The following PLCB4 variants were observed in gnomAD, a reference collection of about 807,000 sequenced individuals.
PLCB4 encodes the protein 1-phosphatidylinositol 4,5-bisphosphate phosphodiesterase beta-4.
A neutral mutation model predicts 178.8 loss-of-function variants in PLCB4; 77 were observed. The observed-to-expected ratio is 0.43, with a 90% confidence interval of 0.36 to 0.52. The LOEUF is 0.52. Among genes scored for constraint, PLCB4 ranks in the 20% least tolerant of loss-of-function variants. The pLI is 0.00. For synonymous variants in PLCB4, 496 were observed against 490.8 expected (o/e 1.01, Z -0.14); for missense variants, 1,024 against 1,453.4 (o/e 0.70, Z 4.80).
intron 32 of PLCB4, among the ~76,000 whole-genome samples, chr20:9,448,373 A>G (rs2042544133): frequency 6.6e-6 from 1 of 152,284 alleles, no homozygotes; most frequent in East Asian, 1.9e-4. Flanking sequence ...ATGAAGAAAT[A>G]TGACCTGGGC....
intron 3 of PLCB4, among the ~76,000 whole-genome samples, chr20:9,253,271 A>G (rs2094199765): frequency 6.6e-6 from 1 of 152,166 alleles, no homozygotes; most frequent in Non-Finnish European, 1.5e-5. Flanking sequence ...GACTAGAATC[A>G]GCTATACTTG....
At position 9,363,052 on chromosome 20, in the gene PLCB4, G is replaced by T. The variant is rs568975008; in HGVS notation, c.449+77G>T. 2.2e-5 allele frequency: 23 copies of T among 1,051,122 alleles called. No homozygotes were observed. The African/African-American group carries it at 3.1e-4, about 14-fold the overall frequency. The allele number at this position is 1,051,122 out of a possible 1,614,324, so 65.1% of individuals were successfully genotyped here. A position where few individuals can be genotyped will look rare whatever the true frequency, so the allele number is the denominator to read the frequency against. On this transcript the variant is annotated intron_variant, in intron 8 of 39. Transcript: ENST00000378473. ...TCAGATGAAGAGATGAAGGCTAGGT[G>T]GTTCCTTCCTCCAAATTCCTGCTTG... is the stretch of plus-strand genomic sequence containing the variant.
chr20:9,286,625 G>A (rs184879067), intron 3 of PLCB4, among the ~76,000 whole-genome samples: 315 of 152,092 alleles, frequency 2.1e-3, no homozygotes, highest in African/African-American at 7.4e-3. Context: ...TGTATCTTGA[G>A]GTACTACATC....
intron 2 of PLCB4, among the ~76,000 whole-genome samples, chr20:9,101,828 G>A (rs899180070): frequency 2.0e-5 from 3 of 150,908 alleles, no homozygotes; most frequent in Admixed American, 2.0e-4. Flanking sequence ...AAAACAATTT[G>A]CCAGTTTTGT....
intron 19 of PLCB4, among the ~76,000 whole-genome samples, chr20:9,400,095 G>A (rs990998665): frequency 3.3e-5 from 5 of 151,938 alleles, no homozygotes; most frequent in African/African-American, 4.8e-5. Flanking sequence ...TTACCCACTT[G>A]TTGTTGTTGT....
chr20:9,243,366 T>A (rs2094087821), intron 3 of PLCB4, among the ~76,000 whole-genome samples: 1 of 152,200 alleles, frequency 6.6e-6, no homozygotes, highest in Admixed American at 6.5e-5. Flanking sequence ...AAGAAATTTA[T>A]TTTAGAAAAA....
intron 3 of PLCB4, among the ~76,000 whole-genome samples, chr20:9,274,113 A>C (rs1051123733): frequency 2.0e-5 from 3 of 152,096 alleles, no homozygotes; most frequent in Admixed American, 2.0e-4. Context: ...AGAGTATTTC[A>C]AAGAAAAAAA....
intron 3 of PLCB4, among the ~76,000 whole-genome samples, chr20:9,260,137 T>C (rs1486284785): frequency 1.3e-5 from 2 of 152,090 alleles, no homozygotes; most frequent in African/African-American, 2.4e-5. Flanking sequence ...TAGAAAATTT[T>C]CATACTAAAC....
At chr20:9,220,252 T>G (rs2093781680) in intron 3 of PLCB4, among the ~76,000 whole-genome samples, 1 of 152,244 alleles carries the variant, frequency 6.6e-6, no homozygotes, top group Non-Finnish European at 1.5e-5. Context: ...ACTTCTCTCC[T>G]GTGGCATTTT....
At chr20:9,078,376 CTTCTTTTCT>C (rs1428726366) in intron 1 of PLCB4, among the ~76,000 whole-genome samples, 1 of 151,198 alleles carries the variant, frequency 6.6e-6, no homozygotes, top group Non-Finnish European at 1.5e-5. Context: ...TTCTTCTTCT[CTTCTTTTCT>C]TTCTTTTCTT....
At chr20:9,093,250 G>C (rs2090762739) in intron 1 of PLCB4, among the ~76,000 whole-genome samples, 1 of 152,180 alleles carries the variant, frequency 6.6e-6, no homozygotes, top group African/African-American at 2.4e-5. Flanking sequence ...GGCTAGAACT[G>C]TGATTTTCAA....
chr20:9,180,172 A>C (rs914115019), intron 2 of PLCB4, among the ~76,000 whole-genome samples: 2 of 152,218 alleles, frequency 1.3e-5, no homozygotes, highest in East Asian at 1.9e-4. Flanking sequence ...GTATTGTCCT[A>C]ACAATCTTGT....
At chr20:9,401,374 TTC>T in intron 19 of PLCB4, 114 bp from the exon 20 acceptor site, 1 of 686,090 alleles carries the variant, frequency 1.5e-6, no homozygotes, top group Non-Finnish European at 2.6e-6. Context: ...TGTCCCCATT[TTC>T]TTTTAGCATC....
intron 32 of PLCB4, among the ~76,000 whole-genome samples, chr20:9,449,637 T>C (rs1346683301): frequency 6.6e-6 from 1 of 152,202 alleles, no homozygotes; most frequent in Non-Finnish European, 1.5e-5. Flanking sequence ...AAACTACATC[T>C]GCAGGCAGGA....
chr20:9,401,395 C>A, intron 19 of PLCB4, 95 bp from the exon 20 acceptor site: 1 of 788,726 alleles, frequency 1.3e-6, no homozygotes. Context: ...TCCTTTTTCT[C>A]TAAAAGTGCT....
At chr20:9,347,872 A>C (rs1336917085) in intron 7 of PLCB4, among the ~76,000 whole-genome samples, 7 of 152,084 alleles carry the variant, frequency 4.6e-5, no homozygotes, top group Non-Finnish European at 1.5e-5. Context: ...TACTCAGGAG[A>C]CTGAGGCAGG....
At chr20:9,405,665 A>T (rs183503181) in intron 21 of PLCB4, among the ~76,000 whole-genome samples, 1 of 152,228 alleles carries the variant, frequency 6.6e-6, no homozygotes, top group Non-Finnish European at 1.5e-5. Flanking sequence ...TTCCCACTAC[A>T]TTGACATTCT....
chr20:9,371,474 C>T (rs2036249817), intron 10 of PLCB4, among the ~76,000 whole-genome samples, 179 bp downstream of exon 10: 1 of 152,070 alleles, frequency 6.6e-6, no homozygotes, highest in East Asian at 1.9e-4. Flanking sequence ...CTTCCTCTCT[C>T]CCTCCCTCCT....
intron 19 of PLCB4, among the ~76,000 whole-genome samples, chr20:9,398,889 A>C (rs79155379): frequency 0.018 from 2,789 of 152,314 alleles, 97 homozygotes; most frequent in African/African-American, 0.061. Context: ...AACCGATTGC[A>C]CTAAGATTCA....
Sources: gnomAD v4.1 joint callset for allele counts (sites outside exome capture counted in the v4.1 genomes callset) on GRCh38, gnomAD v4.1.1 for gene constraint, MANE v1.5 for transcripts, NCBI Gene and HGNC (gene_info 2026-07-23, HGNC 2026-07-21) for gene names.